Variants in GLMN observed in about 807,000 individuals in gnomAD.
The protein encoded by GLMN is glomulin, FKBP associated protein.
GLMN carries 75 observed loss-of-function variants against 87.8 expected under a neutral mutation model. The ratio of observed to expected loss-of-function variants is 0.85; its 90% CI spans 0.71 to 1.04. The LOEUF (loss-of-function observed/expected upper bound fraction) is 1.04. GLMN is among the 50% of genes least tolerant of loss of function. GLMN has a pLI of 0.00. For synonymous variants in GLMN, 206 were observed against 221.6 expected, an observed-to-expected ratio of 0.93 and a Z score of 0.63; for missense variants, 588 against 658.8, an observed-to-expected ratio of 0.89 and a Z score of 1.18.
chr1:92,337,176 T>C, the GLMN span, among the ~76,000 whole-genome samples: 6 of 152,062 alleles, frequency 3.9e-5, no homozygotes, highest in Non-Finnish European at 7.4e-5. Flanking sequence ...GTGGAAGAAT[T>C]AATTCATCCA....
chr1:92,356,591 T>TG, the GLMN span, among the ~76,000 whole-genome samples: 2 of 150,098 alleles, frequency 1.3e-5, no homozygotes, highest in South Asian at 2.1e-4. Context: ...GCTAATTTTT[T>TG]TTTTTTTTTT....
At chr1:92,346,485 C>T in the GLMN span, among the ~76,000 whole-genome samples, 1 of 152,222 alleles carries the variant, frequency 6.6e-6, no homozygotes, top group East Asian at 1.9e-4. Context: ...TGGAAAGAGA[C>T]AAATATCCTC....
chr1:92,309,260 G>T, the GLMN span, among the ~76,000 whole-genome samples: 1 of 152,024 alleles, frequency 6.6e-6, no homozygotes, highest in Non-Finnish European at 1.5e-5. Flanking sequence ...TGGCCAACAT[G>T]GTGAAACCCT....
the GLMN span, among the ~76,000 whole-genome samples, chr1:92,326,372 G>A: frequency 6.6e-6 from 1 of 152,190 alleles, no homozygotes; most frequent in African/African-American, 2.4e-5. Context: ...TGGCAGGGGG[G>A]TGAAATGGAT....
chr1:92,251,469 C>T (rs1653487510), intron 16 of GLMN, among the ~76,000 whole-genome samples: 1 of 151,990 alleles, frequency 6.6e-6, no homozygotes, highest in Non-Finnish European at 1.5e-5. Context: ...GGTCATTGAC[C>T]TAAGTGTAAA....
In GLMN at chr1:92,297,656, C is replaced by T. The variant is rs1490348207; in HGVS notation, c.40-127G>A. ...CTGTTTAAATTCTAGATAAATGTAA[C>T]GTAAATAACACACGTATCAAAATTA... On this transcript the variant is annotated intron_variant, in intron 2 of 18. Coordinates refer to ENST00000370360, the MANE Select transcript of GLMN (RefSeq NM_053274.3). The T allele has an allele frequency of 3.7e-5, 31 of 834,914 alleles. No individual in the cohort carries two copies. The Admixed American group carries it at 4.6e-4, about 12-fold the overall frequency. 51.7% of individuals were successfully genotyped at this position (834,914 alleles called of 1,614,324 possible).
the GLMN span, among the ~76,000 whole-genome samples, chr1:92,356,099 C>G: frequency 6.6e-6 from 1 of 151,862 alleles, no homozygotes; most frequent in Non-Finnish European, 1.5e-5. Context: ...AACTGTGGGC[C>G]TTTTTTTCCT....
the GLMN span, among the ~76,000 whole-genome samples, chr1:92,354,706 T>C: frequency 1.3e-5 from 2 of 152,160 alleles, no homozygotes; most frequent in East Asian, 3.9e-4. Flanking sequence ...GTTTTCTAGA[T>C]AGTAGTTCTG....
the GLMN span, among the ~76,000 whole-genome samples, chr1:92,339,448 C>T: frequency 6.6e-6 from 1 of 151,966 alleles, no homozygotes; most frequent in African/African-American, 2.4e-5. Context: ...GAACCTACTG[C>T]TGTAGGGCAT....
At position 92,298,952 on chromosome 1, in the gene GLMN, G is replaced by T; in HGVS notation, c.-58C>A. ...GCCAGAACCCTCGCCTCTCCCAGCC[G>T]CCGCCACCTCCTCCGGCGTCTTAGC... On this transcript the variant is annotated 5_prime_UTR_variant, in exon 1 of 19. Coordinates refer to ENST00000370360, the MANE Select transcript of GLMN (RefSeq NM_053274.3). 2.0e-6 allele frequency: 1 copy of T among 489,684 alleles called. No homozygotes were observed. The allele number at this position is 489,684 out of a possible 1,614,324, so 30.3% of individuals were successfully genotyped here.
chr1:92,344,023 T>G, the GLMN span, among the ~76,000 whole-genome samples: 1 of 152,346 alleles, frequency 6.6e-6, no homozygotes, highest in African/African-American at 2.4e-5. Flanking sequence ...CAACTGCTAC[T>G]GTGAAGTAGA....
At chr1:92,361,056 TAATTTACCA>T in the GLMN span, among the ~76,000 whole-genome samples, 1 of 151,144 alleles carries the variant, frequency 6.6e-6, no homozygotes, top group South Asian at 2.1e-4. Context: ...CATAAACATG[TAATTTACCA>T]AAAGCAAAAA....
At chr1:92,323,904 C>A in the GLMN span, 1 of 1,614,026 alleles carries the variant, frequency 6.2e-7, no homozygotes, top group Non-Finnish European at 8.5e-7. Context: ...CTCTAGTAGG[C>A]ATAAGTAAGA....
At chr1:92,279,207 G>A (rs1647657663) in intron 7 of GLMN, among the ~76,000 whole-genome samples, 2 of 152,150 alleles carry the variant, frequency 1.3e-5, no homozygotes, top group Admixed American at 1.3e-4. Flanking sequence ...TGTAATCCCT[G>A]CACTTTGGGA....
chr1:92,367,859 G>T, the GLMN span, among the ~76,000 whole-genome samples: 1 of 152,186 alleles, frequency 6.6e-6, no homozygotes, highest in Non-Finnish European at 1.5e-5. Context: ...CTACTCGTTT[G>T]ATTTTGCAAA....
intron 3 of GLMN, among the ~76,000 whole-genome samples, chr1:92,293,417 T>C (rs1484961360): frequency 6.6e-6 from 1 of 152,132 alleles, no homozygotes; most frequent in Non-Finnish European, 1.5e-5. Flanking sequence ...GTCATTCTCC[T>C]GTCTCAGCCT....
At chr1:92,276,635 T>C (rs546200517) in intron 7 of GLMN, among the ~76,000 whole-genome samples, 2 of 152,320 alleles carry the variant, frequency 1.3e-5, no homozygotes, top group African/African-American at 4.8e-5. Context: ...TCACTCCAGC[T>C]TGGGCAATGG....
At chr1:92,364,523 C>G in the GLMN span, among the ~76,000 whole-genome samples, 1 of 151,966 alleles carries the variant, frequency 6.6e-6, no homozygotes, top group Admixed American at 6.6e-5. Flanking sequence ...TGCTGGGCAC[C>G]TTCATTTGGA....
chr1:92,323,624 C>T, the GLMN span: 1 of 1,613,974 alleles, frequency 6.2e-7, no homozygotes, highest in Non-Finnish European at 8.5e-7. Flanking sequence ...AGACCAAATT[C>T]AACAAATATT....
Sources: allele counts gnomAD v4.1 joint callset (sites outside exome capture counted in the v4.1 genomes callset), GRCh38; gene constraint gnomAD v4.1.1; transcripts MANE v1.5; gene names NCBI Gene and HGNC (gene_info 2026-07-23, HGNC 2026-07-21).